Variants in ARHGAP12 observed in about 807,000 individuals in gnomAD.
ARHGAP12 encodes Rho GTPase activating protein 12.
ARHGAP12 carries 64 observed loss-of-function variants against 108.6 expected under a neutral mutation model. The observed-to-expected ratio is 0.59, with a 90% confidence interval of 0.48 to 0.73. The LOEUF is 0.73. Among genes scored for constraint, ARHGAP12 ranks in the 30% least tolerant of loss-of-function variants. The pLI is 0.00. For missense variants in ARHGAP12, 940 were observed against 1,005.9 expected (o/e 0.93, Z 0.89); for synonymous variants, 312 against 337.2 (o/e 0.93, Z 0.82).
At chr10:31,898,606 A>C (rs1339854795) in intron 3 of ARHGAP12, among the ~76,000 whole-genome samples, 1 of 152,244 alleles carries the variant, frequency 6.6e-6, no homozygotes, top group African/African-American at 2.4e-5. Context: ...ATGGTGGACC[A>C]CATACACAAA....
At position 31,917,258 on chromosome 10, in the gene ARHGAP12, A is replaced by C. The variant is rs188177608; in HGVS notation, c.-110-6695T>G. On this transcript the variant is annotated intron_variant, in intron 1 of 19. Transcript: ENST00000344936. ...CCTCGTCTCTACTAAAAATATAAAA[A>C]TTAGCCAGGCGTGGTAGCACGTGCC... Among the ~76,000 whole-genome samples the C allele has an allele frequency of 1.3e-3, 200 of 152,088 alleles. 1 individual carries two copies. Among genetic ancestry groups the C allele is most frequent in the Admixed American group, 2.2e-3 (33 of 15,284 alleles).
rs112353991 is a variant in ARHGAP12 at position 31,912,404 on chromosome 10, G to A, written c.-110-1841C>T. Among the ~76,000 whole-genome samples, 582 of 152,282 alleles carry A rather than the reference G, an allele frequency of 3.8e-3. 2 individuals are homozygous for A. Among genetic ancestry groups the A allele is most frequent in the African/African-American group, 0.013 (554 of 41,556 alleles). Reference sequence around the variant, plus strand: ...TTCACACTAGTGGGAGAGGAATTGTGGGGCTGGGGACAACAATGAGTTAAA... The same window carrying A: ...TTCACACTAGTGGGAGAGGAATTGTAGGGCTGGGGACAACAATGAGTTAAA... On this transcript the variant is annotated intron_variant, in intron 1 of 19. Coordinates refer to ENST00000344936, the MANE Select transcript of ARHGAP12 (RefSeq NM_018287.7).
chr10:31,889,192 G>A (rs1187019012), intron 3 of ARHGAP12, among the ~76,000 whole-genome samples: 1 of 152,196 alleles, frequency 6.6e-6, no homozygotes, highest in Non-Finnish European at 1.5e-5. Context: ...GATTACAGAC[G>A]TGAGCCACCA....
chr10:31,845,251 A>C (rs539314912), intron 6 of ARHGAP12, among the ~76,000 whole-genome samples: 2 of 152,292 alleles, frequency 1.3e-5, no homozygotes, highest in African/African-American at 2.4e-5. Flanking sequence ...ATCAGTTTTA[A>C]GTTTATAGGT....
intron 11 of ARHGAP12, among the ~76,000 whole-genome samples, chr10:31,822,551 T>C (rs749019494): frequency 5.9e-5 from 9 of 152,230 alleles, no homozygotes; most frequent in Non-Finnish European, 1.2e-4. Flanking sequence ...CTGATGATTA[T>C]TACATAAATT....
intron 3 of ARHGAP12, among the ~76,000 whole-genome samples, chr10:31,901,751 C>T (rs548313995): frequency 2.6e-5 from 4 of 151,612 alleles, no homozygotes; most frequent in South Asian, 4.2e-4. Context: ...ATACCAGAGG[C>T]TCTAGGGAAG....
chr10:31,836,552 G>C (rs1032231071), intron 9 of ARHGAP12, among the ~76,000 whole-genome samples: 7 of 150,162 alleles, frequency 4.7e-5, no homozygotes, highest in African/African-American at 1.7e-4. Context: ...AAAGGAGATA[G>C]ATGAGCAATC....
chr10:31,823,347 T>C (rs1473963831), intron 11 of ARHGAP12, among the ~76,000 whole-genome samples: 1 of 152,102 alleles, frequency 6.6e-6, no homozygotes, highest in African/African-American at 2.4e-5. Context: ...AAGGTATCTG[T>C]CCTAGAGAAG....
intron 9 of ARHGAP12, among the ~76,000 whole-genome samples, chr10:31,836,645 CT>C (rs1454147241): frequency 6.6e-6 from 1 of 152,204 alleles, no homozygotes; most frequent in East Asian, 1.9e-4. Context: ...TTCCTTCTTT[CT>C]TATCACTAAG....
intron 11 of ARHGAP12, among the ~76,000 whole-genome samples, chr10:31,823,968 C>T (rs1835506811): frequency 6.6e-6 from 1 of 152,112 alleles, no homozygotes; most frequent in African/African-American, 2.4e-5. Flanking sequence ...AGCTAGAATT[C>T]TTTAACATTC....
chr10:31,915,114 C>T (rs553804249), intron 1 of ARHGAP12, among the ~76,000 whole-genome samples: 1 of 152,196 alleles, frequency 6.6e-6, no homozygotes, highest in South Asian at 2.1e-4. Context: ...AGGCCAGGCG[C>T]AGTGGCTCAT....
At chr10:31,918,357 A>ACG (rs947692792) in intron 1 of ARHGAP12, among the ~76,000 whole-genome samples, 16 of 141,040 alleles carry the variant, frequency 1.1e-4, no homozygotes, top group African/African-American at 3.4e-4. Flanking sequence ...ACACACACAC[A>ACG]CACCAATGAG....
intron 11 of ARHGAP12, among the ~76,000 whole-genome samples, chr10:31,821,284 T>G (rs1835408620): frequency 6.6e-6 from 1 of 152,156 alleles, no homozygotes; most frequent in African/African-American, 2.4e-5. Flanking sequence ...AGCTAGCTAT[T>G]ATATTTTGTT....
At chr10:31,923,111 G>T (rs1481588931) in intron 1 of ARHGAP12, among the ~76,000 whole-genome samples, 1 of 130,140 alleles carries the variant, frequency 7.7e-6, no homozygotes, top group Non-Finnish European at 1.6e-5. Flanking sequence ...AGCCTGGGGT[G>T]ACAGAGCAAG....
At chr10:31,863,986 C>T (rs1276579477) in intron 3 of ARHGAP12, among the ~76,000 whole-genome samples, 1 of 152,088 alleles carries the variant, frequency 6.6e-6, no homozygotes, top group Non-Finnish European at 1.5e-5. Flanking sequence ...ATAAGGTTAA[C>T]ATAATTTTGA....
intron 13 of ARHGAP12, among the ~76,000 whole-genome samples, chr10:31,815,805 T>C (rs12252960): frequency 0.05 from 7,679 of 152,258 alleles, 645 homozygotes; most frequent in African/African-American, 0.17. Flanking sequence ...CATTTAGTCC[T>C]TGGTTATCTT....
intron 3 of ARHGAP12, among the ~76,000 whole-genome samples, chr10:31,894,196 C>G (rs1004600231): frequency 7.2e-5 from 11 of 152,256 alleles, no homozygotes; most frequent in African/African-American, 1.9e-4. Context: ...ACAAGACAGG[C>G]ATGCCCTCTC....
intron 1 of ARHGAP12, among the ~76,000 whole-genome samples, chr10:31,919,010 C>T (rs550981150): frequency 5.3e-4 from 80 of 152,212 alleles, no homozygotes; most frequent in South Asian, 2.5e-3. Context: ...GACGAATAAA[C>T]AAAATGTGAT....
Position 31,827,192 on chromosome 10 carries a change from C to T in ARHGAP12, c.1449-807G>A, listed in dbSNP as rs185351847. On this transcript the variant is annotated intron_variant, in intron 10 of 19. Transcript: ENST00000344936. ...ACTTTAAAGCTTTTGAATATTACAC[C>T]CCAGCCAGATTCCCCTCAACTTCTC... 1.3e-4 allele frequency among the ~76,000 whole-genome samples: 20 copies of T among 152,196 alleles called. No homozygotes were observed. The East Asian group carries it at 2.3e-3, about 18-fold the overall frequency.
Sources: allele counts gnomAD v4.1 joint callset (sites outside exome capture counted in the v4.1 genomes callset), GRCh38; gene constraint gnomAD v4.1.1; transcripts MANE v1.5; gene names NCBI Gene and HGNC (gene_info 2026-07-23, HGNC 2026-07-21).